Variants in SSBP3 observed in about 807,000 individuals in gnomAD.
SSBP3 encodes single stranded DNA binding protein 3, also known as single-stranded DNA-binding protein 3.
SSBP3 carries 5 observed loss-of-function variants against 69.6 expected under a neutral mutation model. That is an observed-to-expected ratio of 0.07 (90% CI 0.04 to 0.15). The LOEUF (loss-of-function observed/expected upper bound fraction) is 0.15. SSBP3 is among the 10% of genes least tolerant of loss of function. The pLI, the probability that SSBP3 is intolerant of heterozygous loss-of-function variation, is 1.00. For missense variants in SSBP3, 312 were observed against 534.0 expected, an observed-to-expected ratio of 0.58 and a Z score of 4.10; for synonymous variants, 196 against 193.4, an observed-to-expected ratio of 1.01 and a Z score of -0.11.
chr1:54,281,337 T>G, intron 5 of SSBP3, 101 bp downstream of exon 5: 1 of 916,188 alleles, frequency 1.1e-6, no homozygotes, highest in Non-Finnish European at 1.7e-6. Flanking sequence ...ATTTAGACCA[T>G]GGCAAACTGA....
At chr1:54,372,851 G>T (rs1013276888) in intron 4 of SSBP3, among the ~76,000 whole-genome samples, 5 of 152,206 alleles carry the variant, frequency 3.3e-5, no homozygotes, top group Non-Finnish European at 7.3e-5. Context: ...CACACAGCTG[G>T]AGAACGGTAG....
At chr1:54,354,036 G>A (rs533365649) in intron 4 of SSBP3, among the ~76,000 whole-genome samples, 11 of 152,168 alleles carry the variant, frequency 7.2e-5, no homozygotes, top group Admixed American at 2.0e-4. Context: ...CCACTCCCCC[G>A]GCTCAGCAAG....
chr1:54,304,012 T>C (rs1645851209), intron 4 of SSBP3, among the ~76,000 whole-genome samples: 1 of 152,058 alleles, frequency 6.6e-6, no homozygotes, highest in Non-Finnish European at 1.5e-5. Flanking sequence ...GAACGAATGA[T>C]GGGTAGCACG....
intron 3 of SSBP3, among the ~76,000 whole-genome samples, chr1:54,403,678 C>A (rs1219386610): frequency 6.6e-6 from 1 of 152,190 alleles, no homozygotes; most frequent in Non-Finnish European, 1.5e-5. Context: ...AAGATCCCAA[C>A]GACAGGAGAC....
chr1:54,383,230 T>C (rs1223548568), intron 4 of SSBP3, among the ~76,000 whole-genome samples: 1 of 151,306 alleles, frequency 6.6e-6, no homozygotes, highest in Non-Finnish European at 1.5e-5. Flanking sequence ...AAAAAAAAAT[T>C]AGCCGGGCGT....
chr1:54,370,437 A>G (rs560697702), intron 4 of SSBP3, among the ~76,000 whole-genome samples: 55 of 152,336 alleles, frequency 3.6e-4, no homozygotes, highest in African/African-American at 1.3e-3. Flanking sequence ...ACCGTGATCA[A>G]CTTGCAATGT....
At chr1:54,297,851 T>C (rs942042558) in intron 4 of SSBP3, among the ~76,000 whole-genome samples, 18 of 152,176 alleles carry the variant, frequency 1.2e-4, no homozygotes, top group Non-Finnish European at 2.2e-4. Flanking sequence ...CAAAATCATG[T>C]AGTGAGCTTT....
At position 54,404,813 on chromosome 1, in the gene SSBP3, G is replaced by A. The variant is rs199558772; in HGVS notation, c.129+45C>T. 505 of 1,013,420 alleles carry A rather than the reference G, an allele frequency of 5.0e-4. 17 individuals are homozygous for A. Among genetic ancestry groups the A allele is most frequent in the Middle Eastern group, 3.3e-3 (15 of 4,546 alleles). The allele number at this position is 1,013,420 out of a possible 1,614,324, so 62.8% of individuals were successfully genotyped here. ...AACAAAGGCTCTAAGAATAGTGGGG[G>A]GGGGGGGTGTCAAGAAATTGGATGC... On this transcript the variant is annotated intron_variant, in intron 2 of 17. Transcript: ENST00000610401.
At chr1:54,288,346 A>G (rs1439444799) in intron 4 of SSBP3, among the ~76,000 whole-genome samples, 1 of 152,168 alleles carries the variant, frequency 6.6e-6, no homozygotes, top group Non-Finnish European at 1.5e-5. Context: ...CTGCTGCTCC[A>G]GTGACACTGT....
At chr1:54,345,879 C>T (rs1355503418) in intron 4 of SSBP3, among the ~76,000 whole-genome samples, 3 of 151,746 alleles carry the variant, frequency 2.0e-5, no homozygotes, top group Non-Finnish European at 2.9e-5. Flanking sequence ...CGGTGGCTCA[C>T]GCCTGTAATT....
upstream of SSBP3, among the ~76,000 whole-genome samples, chr1:54,409,995 C>T (rs1380562401): frequency 6.6e-6 from 1 of 152,242 alleles, no homozygotes; most frequent in African/African-American, 2.4e-5. Flanking sequence ...CCCCTCTGAA[C>T]TCCCAGTTCG....
chr1:54,341,722 A>G (rs1646611195), intron 4 of SSBP3, among the ~76,000 whole-genome samples: 1 of 151,968 alleles, frequency 6.6e-6, no homozygotes, highest in Non-Finnish European at 1.5e-5. Flanking sequence ...AAAAAAAAAA[A>G]AAGAAGTCCT....
chr1:54,386,703 T>TTTTTTTTTTTTTTTTTTTTTTTTTC (rs1648115956), intron 4 of SSBP3, among the ~76,000 whole-genome samples: 1 of 140,484 alleles, frequency 7.1e-6, no homozygotes, highest in African/African-American at 2.6e-5. Flanking sequence ...TTTTTTTTTT[T>TTTTTTTTTTTTTTTTTTTTTTTTTC]TAAGAGATGG....
chr1:54,228,127 G>A (rs888373761), intron 17 of SSBP3, 128 bp downstream of exon 17: 15 of 881,408 alleles, frequency 1.7e-5, no homozygotes, highest in East Asian at 2.5e-5. Flanking sequence ...AATAACTGAG[G>A]TGGAAAAACC....
At chr1:54,321,520 G>A (rs1490142633) in intron 4 of SSBP3, among the ~76,000 whole-genome samples, 1 of 152,232 alleles carries the variant, frequency 6.6e-6, no homozygotes, top group Non-Finnish European at 1.5e-5. Context: ...GCTCTTCTAG[G>A]TGAGTCTGCA....
At chr1:54,240,107 TGCGCGCGCGCGCGCAACAC>T (rs1364565450) in intron 13 of SSBP3, among the ~76,000 whole-genome samples, 11 of 134,634 alleles carry the variant, frequency 8.2e-5, no homozygotes, top group African/African-American at 3.0e-4. Context: ...CGCGTGTGCG[TGCGCGCGCGCGCGCAACAC>T]ATGCCCACGT....
chr1:54,348,827 C>T (rs1056528964), intron 4 of SSBP3, among the ~76,000 whole-genome samples: 3 of 152,220 alleles, frequency 2.0e-5, no homozygotes, highest in Non-Finnish European at 2.9e-5. Flanking sequence ...CACAGGGCTG[C>T]GGAAGTGAGT....
intron 5 of SSBP3, among the ~76,000 whole-genome samples, chr1:54,260,315 C>T (rs189305281): frequency 1.5e-3 from 233 of 152,368 alleles, no homozygotes; most frequent in African/African-American, 5.5e-3. Context: ...TCCTCCCTCG[C>T]GTCCTTCCCT....
chr1:54,329,535 C>T (rs547604228), intron 4 of SSBP3, among the ~76,000 whole-genome samples: 2 of 152,334 alleles, frequency 1.3e-5, no homozygotes, highest in East Asian at 3.9e-4. Flanking sequence ...AACAAGAGGG[C>T]CCACTGTCAG....
Sources: gnomAD v4.1 joint callset for allele counts (sites outside exome capture counted in the v4.1 genomes callset) on GRCh38, gnomAD v4.1.1 for gene constraint, MANE v1.5 for transcripts, NCBI Gene and HGNC (gene_info 2026-07-23, HGNC 2026-07-21) for gene names.